The following GATM variants were observed in gnomAD, a reference collection of about 807,000 sequenced individuals.
GATM encodes glycine amidinotransferase, mitochondrial.
GATM carries 23 observed loss-of-function variants against 54.2 expected under a neutral mutation model. The observed-to-expected ratio is 0.42, with a 90% CI of 0.31 to 0.60. The LOEUF is 0.60. GATM is among the 20% of genes least tolerant of loss of function. The pLI is 0.14. For missense variants in GATM, 401 were observed against 544.9 expected (o/e 0.74, Z 2.63); for synonymous variants, 168 against 183.1 (o/e 0.92, Z 0.67).
chr15:45,398,585 T>A (rs781198084), intron 2 of GATM, among the ~76,000 whole-genome samples: 10 of 152,240 alleles, frequency 6.6e-5, no homozygotes, highest in African/African-American at 2.2e-4. Context: ...TTTCATTACA[T>A]ACTTTATGAA....
At position 45,368,014 on chromosome 15, in the gene GATM, CTT is replaced by C; in HGVS notation, c.675+54_675+55del. ...GGTATCAGAGAATCTCTATCTTACT[CTT>C]TGTGGATCATTTAGAAAAGTTAGTA... is the stretch of plus-strand genomic sequence containing the variant. On this transcript the variant is annotated intron_variant, in intron 4 of 8. Coordinates refer to ENST00000396659, the MANE Select transcript of GATM (RefSeq NM_001482.3). This position sits in a 1 kb window ranked among gnomAD's most constrained non-coding sequence, Gnocchi z 5.1. 6.7e-7 allele frequency: 1 copy of C among 1,482,620 alleles called. No individual in the cohort carries two copies. The highest frequency in any genetic ancestry group is 9.4e-7 in the Non-Finnish European group (1 of 1,063,612). 91.8% of individuals were successfully genotyped at this position (1,482,620 alleles called of 1,614,324 possible). A position where few individuals can be genotyped will look rare whatever the true frequency, so the allele number is the denominator to read the frequency against.
rs915132190 is a variant in GATM at position 45,361,236 on chromosome 15, A to C, written c.*873T>G. 1 of 152,206 alleles carries C rather than the reference A, an allele frequency of 6.6e-6. No individual in the cohort carries two copies. The highest frequency in any genetic ancestry group is 6.5e-5 in the Admixed American group (1 of 15,282). 9.4% of individuals were successfully genotyped at this position (152,206 alleles called of 1,614,324 possible). A position where few individuals can be genotyped will look rare whatever the true frequency, so the allele number is the denominator to read the frequency against. Reference sequence around the variant, plus strand: ...CCTCCATTAGTTTTTTTTAATGCTTATAAAGTCTATGCTCTAAATAATTTG... The same window carrying C: ...CCTCCATTAGTTTTTTTTAATGCTTCTAAAGTCTATGCTCTAAATAATTTG... On this transcript the variant is annotated 3_prime_UTR_variant, in exon 9 of 9. Coordinates refer to ENST00000396659, the MANE Select transcript of GATM (RefSeq NM_001482.3).
At chr15:45,376,863 C>A (rs1889646382) in intron 1 of GATM, 44 bp from the exon 2 acceptor site, 2 of 1,519,424 alleles carry the variant, frequency 1.3e-6, no homozygotes, top group Non-Finnish European at 1.8e-6. Context: ...ATTGCTCTAT[C>A]AGTACTTACA....
At chr15:45,388,983 T>G (rs764459283) in intron 3 of GATM, among the ~76,000 whole-genome samples, 1 of 152,252 alleles carries the variant, frequency 6.6e-6, no homozygotes, top group Non-Finnish European at 1.5e-5. Context: ...GTTTGATAAG[T>G]AATAATTTTC....
intron 1 of GATM, 79 bp from the exon 2 acceptor site, chr15:45,376,898 A>G: frequency 7.6e-7 from 1 of 1,324,030 alleles, no homozygotes; most frequent in African/African-American, 1.4e-5. Flanking sequence ...GAGATGGAGT[A>G]AAAATCCAGC....
chr15:45,378,032 C>A, intron 1 of GATM: 1 of 249,134 alleles, frequency 4.0e-6, no homozygotes, highest in Admixed American at 5.7e-5. Flanking sequence ...GTCCCAACCC[C>A]TTGCTCCGAG....
chr15:45,362,827 T>C (rs1889384848), intron 8 of GATM, among the ~76,000 whole-genome samples: 1 of 152,218 alleles, frequency 6.6e-6, no homozygotes, highest in Non-Finnish European at 1.5e-5. Context: ...TAACCAATGG[T>C]ATTTAGGAAG....
At chr15:45,385,172 T>C (rs1889790700) in intron 3 of GATM, among the ~76,000 whole-genome samples, 1 of 152,214 alleles carries the variant, frequency 6.6e-6, no homozygotes, top group Non-Finnish European at 1.5e-5. Flanking sequence ...GATGCCACTG[T>C]CCATAAACAA....
chr15:45,381,828 C>T (rs1208076661), upstream of GATM, among the ~76,000 whole-genome samples: 3 of 152,088 alleles, frequency 2.0e-5, no homozygotes, highest in East Asian at 5.8e-4. Flanking sequence ...TATTCTCATG[C>T]CTGGAATGTA....
In GATM at chr15:45,361,962, T is replaced by C. The variant is rs148730885; in HGVS notation, c.*147A>G. On this transcript the variant is annotated 3_prime_UTR_variant, in exon 9 of 9. Coordinates refer to ENST00000396659, the MANE Select transcript of GATM (RefSeq NM_001482.3). ...TTTTCTTTATGTCAAAGAAAAGTAATAGAAGCAAACCAGGCTTACGACCCC... is the reference window on the plus strand; with the variant it reads ...TTTTCTTTATGTCAAAGAAAAGTAACAGAAGCAAACCAGGCTTACGACCCC... 4.1e-4 allele frequency: 269 copies of C among 663,028 alleles called. No homozygotes were observed. The highest frequency in any genetic ancestry group is 2.3e-3 in the African/African-American group (127 of 55,460). The allele number at this position is 663,028 out of a possible 1,614,324, so 41.1% of individuals were successfully genotyped here. A position where few individuals can be genotyped will look rare whatever the true frequency, so the allele number is the denominator to read the frequency against.
chr15:45,390,920 G>T (rs1444314991), intron 3 of GATM, among the ~76,000 whole-genome samples: 1 of 152,180 alleles, frequency 6.6e-6, no homozygotes, highest in African/African-American at 2.4e-5. Flanking sequence ...AGTGCACCAT[G>T]AATGCAGATG....
At chr15:45,402,224 A>T (rs1187838605), upstream of GATM, 1 of 668,192 alleles carries the variant, frequency 1.5e-6, no homozygotes, top group Non-Finnish European at 2.3e-6. Flanking sequence ...GATTTCACGA[A>T]AGCGGACACC....
Position 45,368,488 on chromosome 15 carries a change from C to T in GATM, c.485-228G>A, listed in dbSNP as rs541418187. Among the ~76,000 whole-genome samples, 2 of 152,030 alleles carry T rather than the reference C, an allele frequency of 1.3e-5. No homozygotes were observed. Among genetic ancestry groups the T allele is most frequent in the South Asian group, 4.2e-4 (2 of 4,808 alleles). On this transcript the variant is annotated intron_variant, in intron 3 of 8. Transcript: ENST00000396659. The surrounding 1 kb of genome is among the most constrained non-coding windows in gnomAD (Gnocchi z 5.1). Reference sequence around the variant, plus strand: ...ATTAGCCAGGCATGGTGGCACGTGCCTGTAATCCTAGCTACTCGGGAGACT... The same window carrying T: ...ATTAGCCAGGCATGGTGGCACGTGCTTGTAATCCTAGCTACTCGGGAGACT...
upstream of GATM, among the ~76,000 whole-genome samples, chr15:45,380,916 A>T (rs1039002853): frequency 2.0e-5 from 3 of 151,994 alleles, no homozygotes; most frequent in Non-Finnish European, 4.4e-5. Context: ...TTCCCCTTTT[A>T]TACCACACTT....
chr15:45,391,967 G>A (rs1595490119), intron 3 of GATM, among the ~76,000 whole-genome samples: 1 of 152,294 alleles, frequency 6.6e-6, no homozygotes, highest in East Asian at 1.9e-4. Flanking sequence ...AAGAGTGTGG[G>A]CTCTGGAACC....
intron 1 of GATM, chr15:45,377,398 A>C (rs1227872657): frequency 2.6e-5 from 10 of 389,840 alleles, no homozygotes; most frequent in Non-Finnish European, 4.9e-5. Flanking sequence ...TGGCACTTCA[A>C]TTCTGAGAGT....
chr15:45,388,685 A>G (rs535922777), intron 3 of GATM, among the ~76,000 whole-genome samples: 69 of 152,272 alleles, frequency 4.5e-4, no homozygotes, highest in Admixed American at 2.5e-3. Flanking sequence ...GGAGTTCTGG[A>G]AAGAATACTA....
upstream of GATM, chr15:45,379,154 T>C (rs1270201107): frequency 6.6e-6 from 1 of 152,208 alleles, no homozygotes; most frequent in Non-Finnish European, 1.5e-5. Context: ...AACTCCGTCA[T>C]GAAAATCGAC....
intron 3 of GATM, among the ~76,000 whole-genome samples, chr15:45,386,025 T>C (rs1482711919): frequency 6.6e-6 from 1 of 152,210 alleles, no homozygotes; most frequent in Non-Finnish European, 1.5e-5. Flanking sequence ...CTTATGTACA[T>C]GTAAAAGTAA....
Sources: gnomAD v4.1 joint callset for allele counts (sites outside exome capture counted in the v4.1 genomes callset) on GRCh38, gnomAD v4.1.1 for gene constraint, Gnocchi (gnomAD v3.1) non-coding constraint, MANE v1.5 for transcripts, NCBI Gene and HGNC (gene_info 2026-07-23, HGNC 2026-07-21) for gene names.